INAVA: variants seen among roughly 807,000 people sequenced by gnomAD.
The protein encoded by INAVA is innate immunity activator, also known as innate immunity activator protein.
INAVA carries 32 observed loss-of-function variants against 55.3 expected under a neutral mutation model. That is an observed-to-expected ratio of 0.58 (90% CI 0.44 to 0.78). INAVA has a LOEUF of 0.78. Ranked by LOEUF, INAVA falls within the 30% of genes least tolerant of loss-of-function variation. The pLI is 0.00. For missense variants in INAVA, 756 were observed against 786.4 expected (o/e 0.96, Z 0.46); for synonymous variants, 294 against 329.4 (o/e 0.89, Z 1.16).
chr1:200,908,698 C>T, intron 6 of INAVA, 32 bp from the exon 7 acceptor site: 3 of 1,512,476 alleles, frequency 2.0e-6, no homozygotes, highest in Non-Finnish European at 2.7e-6. Context: ...CCCCCAGCCT[C>T]TGGCCTTACC....
rs141569462 is a variant in INAVA at position 200,910,496 on chromosome 1, CA to C, written c.960-956del. ...ACCATGAAAGCACTGCTGAATTCTC[CA>C]TCAGCTTAAATTGGCTGGTCAGGCA... On this transcript the variant is annotated intron_variant, in intron 8 of 9. Coordinates refer to ENST00000413687, the MANE Select transcript of INAVA (RefSeq NM_001142569.3). 4.7e-3 allele frequency among the ~76,000 whole-genome samples: 720 copies of C among 152,342 alleles called. 5 individuals are homozygous for C. The highest frequency in any genetic ancestry group is 0.016 in the African/African-American group (660 of 41,580).
At position 200,904,491 on chromosome 1, in the gene INAVA, G is replaced by A. The variant is rs534049100; in HGVS notation, c.520+3332G>A. ...ATGGAGCATTTGAACTGTGCCTAGTGTGACTGAGGAACTGACTTTATTTAG... is the reference window on the plus strand; with the variant it reads ...ATGGAGCATTTGAACTGTGCCTAGTATGACTGAGGAACTGACTTTATTTAG... On this transcript the variant is annotated intron_variant, in intron 5 of 9. Coordinates refer to ENST00000413687, the MANE Select transcript of INAVA (RefSeq NM_001142569.3). Among the ~76,000 whole-genome samples, 23 of 152,330 alleles carry A rather than the reference G, an allele frequency of 1.5e-4. No homozygotes were observed. In the South Asian group the frequency reaches 4.8e-3, roughly 32 times the overall value.
At position 200,911,770 on chromosome 1, in the gene INAVA, T is replaced by C; in HGVS notation, c.1277T>C (p.Leu426Pro). 6.2e-7 allele frequency: 1 copy of C among 1,611,488 alleles called. No homozygotes were observed. Among genetic ancestry groups the C allele is most frequent in the South Asian group, 1.1e-5 (1 of 90,872 alleles). Reference protein sequence around the residue: ...RELVAHHPKLLLPPGYFPAGR... With the variant: ...RELVAHHPKLPLPPGYFPAGR... ...CTGGTCGCCCACCACCCCAAGCTAC[T>C]GCTGCCGCCTGGCTATTTCCCGGCG... Residue 426 changes from leucine (L) to proline (P), a missense_variant, in exon 9 of 10, where the codon CTG becomes CCG. Transcript: ENST00000413687.
upstream of INAVA, among the ~76,000 whole-genome samples, chr1:200,893,120 A>G (rs1485349315): frequency 2.6e-5 from 4 of 152,224 alleles, no homozygotes; most frequent in Non-Finnish European, 5.9e-5. Flanking sequence ...ACAACAAATC[A>G]CAGTAGCATT....
chr1:200,899,117 G>A (rs2102302945), intron 2 of INAVA, among the ~76,000 whole-genome samples: 1 of 152,190 alleles, frequency 6.6e-6, no homozygotes, highest in Admixed American at 6.5e-5. Flanking sequence ...GGGGTAGTGG[G>A]GAGAGGGAGA....
At chr1:200,903,820 A>AG (rs1475498686) in intron 5 of INAVA, among the ~76,000 whole-genome samples, 1 of 151,632 alleles carries the variant, frequency 6.6e-6, no homozygotes, top group Non-Finnish European at 1.5e-5. Context: ...AAAAAAAAAA[A>AG]AAAGGGAAAA....
rs756531349 is a variant in INAVA, at chr1:200,909,334, G to T, written c.896G>T (p.Gly299Val). ...CGTGGTGTTCCTGGCCAGTGGCAGG[G>T]CCGCACCAGTGCCCCAGCCACCCCT... ...PIRGVPGQWQ[G>V]RTSAPATPEI... is the part of the protein sequence containing the mutation. The change falls in exon 8 of 10, where the codon GGC (glycine) becomes GTC (valine). Residue 299 changes from glycine to valine, a missense_variant. Gly to Val is a moderately radical substitution (Grantham distance 109, BLOSUM62 -3). Transcript: ENST00000413687. 12 of 1,611,252 alleles carry T rather than the reference G, an allele frequency of 7.4e-6. No individual in the cohort carries two copies. The highest frequency in any genetic ancestry group is 9.3e-6 in the Non-Finnish European group (11 of 1,178,792).
chr1:200,901,620 C>T (rs1406516666), intron 5 of INAVA, among the ~76,000 whole-genome samples: 3 of 152,202 alleles, frequency 2.0e-5, no homozygotes, highest in South Asian at 4.1e-4. Context: ...AAGGGTTTGA[C>T]GATTGCTATG....
Position 200,900,912 on chromosome 1 carries a change from G to C in INAVA, c.298-25G>C, listed in dbSNP as rs1234645701. The C allele has an allele frequency of 2.6e-6, 4 of 1,514,734 alleles. No homozygotes were observed. The African/African-American group carries it at 5.5e-5, about 21-fold the overall frequency. 93.8% of individuals were successfully genotyped at this position (1,514,734 alleles called of 1,614,324 possible). ...CCCCCAATCTCCCTGCCTCTCTCTAGCCTCACTCCTGCCCCCTCTCTCAGG... is the reference window on the plus strand; with the variant it reads ...CCCCCAATCTCCCTGCCTCTCTCTACCCTCACTCCTGCCCCCTCTCTCAGG... On this transcript the variant is annotated intron_variant, in intron 4 of 9. Transcript: ENST00000413687.
At position 200,910,030 on chromosome 1, in the gene INAVA, C is replaced by T. The variant is rs1653650653; in HGVS notation, c.959+633C>T. 2.0e-5 allele frequency among the ~76,000 whole-genome samples: 3 copies of T among 152,206 alleles called. No individual in the cohort carries two copies. In the South Asian group the frequency reaches 6.2e-4, roughly 31 times the overall value. On this transcript the variant is annotated intron_variant, in intron 8 of 9. Coordinates refer to ENST00000413687, the MANE Select transcript of INAVA (RefSeq NM_001142569.3). ...ACACATATTTTCTCCACAAGGCACA[C>T]CACAGCCTTTTCCCAGTATGCCTTA...
At chr1:200,892,655 C>T (rs995523036), upstream of INAVA, among the ~76,000 whole-genome samples, 4 of 152,162 alleles carry the variant, frequency 2.6e-5, no homozygotes, top group African/African-American at 9.7e-5. Flanking sequence ...TCCCCTGACT[C>T]CCCGGCCTGA....
rs1230357838 is a variant in INAVA, at chr1:200,913,556, T to C, written c.1664T>C (p.Leu555Pro). ...PRAQVPTVCV[L>P]RRSPDGAPVQ... The stretch of plus-strand genomic sequence containing the variant: ...TGGCAGGTGCCCACAGTTTGTGTGC[T>C]GCGGAGATCGCCTGATGGGGCCCCT... The change falls in exon 10 of 10, where the codon CTG (leucine) becomes CCG (proline). Residue 555 changes from leucine (L) to proline (P), a missense_variant. This residue lies in a region of INAVA where 117 missense variants were observed against 162.1 expected (regional missense o/e 0.72). Coordinates refer to ENST00000413687, the MANE Select transcript of INAVA (RefSeq NM_001142569.3). The C allele has an allele frequency of 6.2e-7, 1 of 1,614,130 alleles. No individual in the cohort carries two copies. Among genetic ancestry groups the C allele is most frequent in the Admixed American group, 1.7e-5 (1 of 60,028 alleles).
At chr1:200,912,921 A>T (rs1238652470) in intron 9 of INAVA, among the ~76,000 whole-genome samples, 1 of 152,138 alleles carries the variant, frequency 6.6e-6, no homozygotes, top group Admixed American at 6.5e-5. Flanking sequence ...GTAGGGTGGC[A>T]GCCTTGGTTT....
chr1:200,911,763 A>G lies in INAVA; in HGVS notation c.1270A>G (p.Lys424Glu), dbSNP rs1653741153. ...CAGAGAGCTGGTCGCCCACCACCCC[A>G]AGCTACTGCTGCCGCCTGGCTATTT... ...GSRELVAHHP[K>E]LLLPPGYFPA... Residue 424 changes from lysine to glutamate, a missense_variant, in exon 9 of 10, where the codon AAG (lysine) becomes GAG (glutamate). This residue lies in a region of INAVA where 639 missense variants were observed against 624.3 expected (regional missense o/e 1.02). Transcript: ENST00000413687. The G allele has an allele frequency of 6.2e-7, 1 of 1,611,354 alleles. No homozygotes were observed. The highest frequency in any genetic ancestry group is 1.7e-5 in the Admixed American group (1 of 59,852).
rs750294260 is a variant in INAVA at position 200,898,363 on chromosome 1, C to T, written c.-38C>T. ...GGCCCAGGCTGGTCACGGTGTCCCCCCTCCCTGCTCTGTGCCCTCTCCTTC... is the reference window on the plus strand; with the variant it reads ...GGCCCAGGCTGGTCACGGTGTCCCCTCTCCCTGCTCTGTGCCCTCTCCTTC... On this transcript the variant is annotated 5_prime_UTR_variant, in exon 2 of 10. Transcript: ENST00000413687. 3.1e-6 allele frequency: 5 copies of T among 1,614,140 alleles called. No homozygotes were observed. Among genetic ancestry groups the T allele is most frequent in the Non-Finnish European group, 3.4e-6 (4 of 1,180,028 alleles).
chr1:200,894,379 T>C (rs75775571), upstream of INAVA, among the ~76,000 whole-genome samples: 1 of 152,188 alleles, frequency 6.6e-6, no homozygotes, highest in Non-Finnish European at 1.5e-5. Flanking sequence ...ATTCTAGAAC[T>C]TCTGCATATT....
At chr1:200,908,084 T>C in intron 6 of INAVA, 197 bp downstream of exon 6, 1 of 477,520 alleles carries the variant, frequency 2.1e-6, no homozygotes, top group Non-Finnish European at 3.8e-6. Context: ...TGTGCGATCA[T>C]CTCCCATTCT....
chr1:200,896,473 C>T (rs1023885070), intron 1 of INAVA, among the ~76,000 whole-genome samples: 4 of 152,052 alleles, frequency 2.6e-5, no homozygotes, highest in Admixed American at 1.3e-4. Context: ...AAGTATCCTG[C>T]GGGGTGGGGT....
Position 200,898,325 on chromosome 1 carries a change from A to G in INAVA, c.-76A>G, listed in dbSNP as rs774028365. 2.8e-5 allele frequency: 45 copies of G among 1,611,638 alleles called. 1 individual carries two copies. In the South Asian group the frequency reaches 4.6e-4, roughly 17 times the overall value. Reference sequence around the variant, plus strand: ...TTTAAAGCTGGGGAAGCTCCAGGCTACCTACACAACCTGGCCCAGGCTGGT... The same window carrying G: ...TTTAAAGCTGGGGAAGCTCCAGGCTGCCTACACAACCTGGCCCAGGCTGGT... On this transcript the variant is annotated 5_prime_UTR_variant, in exon 2 of 10. Transcript: ENST00000413687.
Sources: allele counts gnomAD v4.1 joint callset (sites outside exome capture counted in the v4.1 genomes callset), GRCh38; gene constraint gnomAD v4.1.1; regional missense constraint gnomAD v4.1.1; transcripts MANE v1.5; gene names NCBI Gene and HGNC (gene_info 2026-07-23, HGNC 2026-07-21).